The following CTCF variants were observed in gnomAD, a reference collection of about 807,000 sequenced individuals.
The protein encoded by CTCF is CCCTC-binding factor.
Under a neutral mutation model 72.3 loss-of-function variants are expected in CTCF, and 7 were observed. The ratio of observed to expected loss-of-function variants is 0.10; its 90% CI spans 0.06 to 0.18. The LOEUF (loss-of-function observed/expected upper bound fraction) is 0.18, where lower values mean the gene tolerates loss of function less well. Among genes scored for constraint, CTCF ranks in the 10% least tolerant of loss-of-function variants. The probability of loss-of-function intolerance (pLI) is 1.00; values close to 1 mark genes in which losing one functional copy is unlikely to be tolerated. For missense variants in CTCF, 516 were observed against 949.1 expected (o/e 0.54, Z 6.00); for synonymous variants, 374 against 315.8 (o/e 1.18, Z -1.95).
chr16:67,578,136 A>G (rs914161555), intron 2 of CTCF, among the ~76,000 whole-genome samples: 59 of 152,082 alleles, frequency 3.9e-4, no homozygotes, highest in Non-Finnish European at 7.4e-5. Flanking sequence ...ATTTTCTGTA[A>G]CCACCACATT....
intron 7 of CTCF, among the ~76,000 whole-genome samples, chr16:67,624,071 A>ATATATGTG (rs71382019): frequency 1.7e-5 from 2 of 117,614 alleles, no homozygotes; most frequent in Non-Finnish European, 3.3e-5. Flanking sequence ...AAAATTATAT[A>ATATATGTG]TGTGTGTGTG....
rs752485381 is a variant in CTCF, at chr16:67,611,213, T to C, written c.381T>C (p.Ala127=). 3.7e-6 allele frequency: 6 copies of C among 1,614,200 alleles called. No homozygotes were observed. The East Asian group carries it at 1.1e-4, about 30-fold the overall frequency. Residue 127 remains alanine (A), a synonymous_variant, in exon 3 of 12, where the codon GCT becomes GCC. Coordinates refer to ENST00000264010, the MANE Select transcript of CTCF (RefSeq NM_006565.4). The part of the protein sequence containing the change: ...QVPVPVTVPV[A]TTSVEELQGA... ...CTGTTCCTGTGACTGTACCTGTTGCTACCACTTCAGTAGAAGAACTTCAGG... is the reference window on the plus strand; with the variant it reads ...CTGTTCCTGTGACTGTACCTGTTGCCACCACTTCAGTAGAAGAACTTCAGG...
In CTCF at chr16:67,565,592, G is replaced by A. The variant is rs574261518; in HGVS notation, c.-127+2868G>A. Among the ~76,000 whole-genome samples the A allele has an allele frequency of 1.4e-4, 21 of 148,620 alleles. No homozygotes were observed. The South Asian group carries it at 3.6e-3, about 25-fold the overall frequency. On this transcript the variant is annotated intron_variant, in intron 1 of 11. Coordinates refer to ENST00000264010, the MANE Select transcript of CTCF (RefSeq NM_006565.4). ...GGAGGCTGAGACAGGAGAACCGCTC[G>A]AACCTAGAAGGTGGAGGTTGCAGTG...
chr16:67,616,735 CTT>C lies in CTCF; in HGVS notation c.953-8_953-7del. On this transcript the variant is annotated splice_region_variant and splice_polypyrimidine_tract_variant and intron_variant, in intron 4 of 11. Transcript: ENST00000264010. ...ATCTTGCTCTTCCTGTTACTCCATC[CTT>C]TCTCTAGGTACTCGTCCTCACAAGT... is the stretch of plus-strand genomic sequence containing the variant. The C allele has an allele frequency of 6.2e-7, 1 of 1,614,000 alleles. No homozygotes were observed. The highest frequency in any genetic ancestry group is 8.5e-7 in the Non-Finnish European group (1 of 1,179,874).
At chr16:67,568,913 C>G (rs2051376679) in intron 1 of CTCF, among the ~76,000 whole-genome samples, 1 of 150,976 alleles carries the variant, frequency 6.6e-6, no homozygotes. Flanking sequence ...TCTTGGCTCA[C>G]TGAAACCTCT....
intron 1 of CTCF, chr16:67,567,760 C>A (rs1004484197): frequency 2.0e-5 from 3 of 150,910 alleles, no homozygotes; most frequent in Non-Finnish European, 4.4e-5. Flanking sequence ...CCAGCTGATT[C>A]TTTTATTTTT....
At chr16:67,576,104 G>A (rs2051492201) in intron 2 of CTCF, among the ~76,000 whole-genome samples, 1 of 139,740 alleles carries the variant, frequency 7.2e-6, no homozygotes, top group Admixed American at 7.5e-5. Flanking sequence ...AAGGCTGCAT[G>A]CACTCTAGCC....
intron 2 of CTCF, among the ~76,000 whole-genome samples, chr16:67,605,041 C>T (rs1054336928): frequency 1.2e-4 from 16 of 132,100 alleles, no homozygotes; most frequent in Admixed American, 6.1e-4. Context: ...GGCGCAATCT[C>T]GGCTCATGGC....
chr16:67,566,373 A>G (rs915411181), intron 1 of CTCF, among the ~76,000 whole-genome samples: 1 of 151,452 alleles, frequency 6.6e-6, no homozygotes, highest in African/African-American at 2.4e-5. Context: ...GCGTGGTGGC[A>G]TATGTCTGTT....
At chr16:67,635,273 G>A (rs530970422) in intron 10 of CTCF, among the ~76,000 whole-genome samples, 7 of 151,902 alleles carry the variant, frequency 4.6e-5, no homozygotes, top group Non-Finnish European at 7.4e-5. Flanking sequence ...ACCCGCCTCA[G>A]CCTCCCAAAG....
intron 10 of CTCF, among the ~76,000 whole-genome samples, chr16:67,632,533 G>T (rs2052379389): frequency 6.6e-6 from 1 of 152,184 alleles, no homozygotes; most frequent in South Asian, 2.1e-4. Flanking sequence ...CAGAAGTTCT[G>T]CCTGTCGGCT....
At chr16:67,616,909 C>G (rs1324127072) in intron 5 of CTCF, 31 bp downstream of exon 5, 11 of 1,605,010 alleles carry the variant, frequency 6.9e-6, no homozygotes, top group African/African-American at 1.3e-5. Context: ...TGGTATCTCT[C>G]TTAGGCAGAC....
intron 1 of CTCF, chr16:67,570,881 T>A (rs1261637013): frequency 6.6e-6 from 1 of 151,876 alleles, no homozygotes; most frequent in African/African-American, 2.4e-5. Context: ...TTAAGATTAC[T>A]GGTGTGAGCC....
intron 2 of CTCF, among the ~76,000 whole-genome samples, chr16:67,604,730 G>GTTTTTTTT (rs533827293): frequency 6.6e-4 from 81 of 123,602 alleles, no homozygotes; most frequent in Non-Finnish European, 7.9e-4. Context: ...TTTCACCAGG[G>GTTTTTTTT]TTTTTTTTTT....
chr16:67,609,426 TA>T (rs1449029717), intron 2 of CTCF, among the ~76,000 whole-genome samples: 1 of 152,224 alleles, frequency 6.6e-6, no homozygotes, highest in African/African-American at 2.4e-5. Flanking sequence ...GTTTTGTTAG[TA>T]ATTCTTTAAT....
At chr16:67,581,195 T>C (rs749500678) in intron 2 of CTCF, among the ~76,000 whole-genome samples, 6 of 152,214 alleles carry the variant, frequency 3.9e-5, no homozygotes, top group Non-Finnish European at 8.8e-5. Flanking sequence ...CCCAGAGTGC[T>C]GGGATTACAG....
At chr16:67,591,042 C>T (rs1380751809) in intron 2 of CTCF, among the ~76,000 whole-genome samples, 1 of 150,584 alleles carries the variant, frequency 6.6e-6, no homozygotes, top group Admixed American at 6.7e-5. Flanking sequence ...ACCGTAATCC[C>T]AGCACTTTGG....
At chr16:67,600,335 C>A (rs2051870292) in intron 2 of CTCF, among the ~76,000 whole-genome samples, 1 of 151,962 alleles carries the variant, frequency 6.6e-6, no homozygotes, top group Admixed American at 6.6e-5. Context: ...GTGTCCTAGG[C>A]TCAAATGATC....
Position 67,621,435 on chromosome 16 carries a change from T to C in CTCF, c.1208-7T>C. 2 of 1,585,710 alleles carry C rather than the reference T, an allele frequency of 1.3e-6. No individual in the cohort carries two copies. Among genetic ancestry groups the C allele is most frequent in the South Asian group, 1.1e-5 (1 of 90,102 alleles). On this transcript the variant is annotated splice_region_variant and splice_polypyrimidine_tract_variant and intron_variant, in intron 6 of 11. Transcript: ENST00000264010. ...ATTTATGTGTTCATTCTGTATTTTC[T>C]TTAAAGGGGAAAAGCCTTATGAATG...
Sources: gnomAD v4.1 joint callset for allele counts (sites outside exome capture counted in the v4.1 genomes callset) on GRCh38, gnomAD v4.1.1 for gene constraint, MANE v1.5 for transcripts, NCBI Gene and HGNC (gene_info 2026-07-23, HGNC 2026-07-21) for gene names.